The following SLC12A3 variants were observed in gnomAD, a reference collection of about 807,000 sequenced individuals.
The protein encoded by SLC12A3 is Na-Cl cotransporter.
Under a neutral mutation model 121.0 loss-of-function variants are expected in SLC12A3, and 104 were observed. That is an observed-to-expected ratio of 0.86 (90% confidence interval 0.73 to 1.01). The LOEUF (loss-of-function observed/expected upper bound fraction) is 1.01. Ranked by LOEUF, SLC12A3 falls within the 50% of genes least tolerant of loss-of-function variation. SLC12A3 has a pLI of 0.00. For synonymous variants in SLC12A3, 536 were observed against 533.4 expected (o/e 1.00, Z -0.07); for missense variants, 1,328 against 1,356.3 (o/e 0.98, Z 0.33).
At position 56,865,418 on chromosome 16, in the gene SLC12A3, C is replaced by T. The variant is rs933308354; in HGVS notation, c.183C>T (p.Ile61=). Reference sequence around the variant, plus strand: ...TGCGCACCTTTGGCTACAACACGATCGATGTGGTGCCCACATATGAGCACT... The same window carrying T: ...TGCGCACCTTTGGCTACAACACGATTGATGTGGTGCCCACATATGAGCACT... ...FCMRTFGYNT[I]DVVPTYEHYA... is the part of the protein sequence containing the mutation. The change falls in exon 1 of 26, where the codon ATC becomes ATT. Residue 61 remains isoleucine (I), a synonymous_variant. Coordinates refer to ENST00000563236, the MANE Select transcript of SLC12A3 (RefSeq NM_001126108.2). 14 of 1,614,204 alleles carry T rather than the reference C, an allele frequency of 8.7e-6. No homozygotes were observed. The highest frequency in any genetic ancestry group is 1.7e-5 in the Admixed American group (1 of 60,026).
intron 16 of SLC12A3, 52 bp downstream of exon 16, chr16:56,886,527 G>A (rs2055313974): frequency 1.3e-6 from 2 of 1,496,040 alleles, no homozygotes; most frequent in African/African-American, 1.4e-5. Flanking sequence ...GCTCATGCCT[G>A]TAAACCCAGC....
Position 56,903,468 on chromosome 16 carries a change from G to A in SLC12A3, c.2857-927G>A, listed in dbSNP as rs187377396. Reference sequence around the variant, plus strand: ...TTTGGCAACCTCTGGAGACATTTTTGTTTGTCACAACTCGGGGGTGGGGCT... The same window carrying A: ...TTTGGCAACCTCTGGAGACATTTTTATTTGTCACAACTCGGGGGTGGGGCT... On this transcript the variant is annotated intron_variant, in intron 24 of 25. Coordinates refer to ENST00000563236, the MANE Select transcript of SLC12A3 (RefSeq NM_001126108.2). Among the ~76,000 whole-genome samples the A allele has an allele frequency of 7.2e-5, 11 of 152,270 alleles. No individual in the cohort carries two copies. In the South Asian group the frequency reaches 1.2e-3, roughly 17 times the overall value.
intron 19 of SLC12A3, 42 bp downstream of exon 19, chr16:56,890,398 C>A: frequency 6.4e-7 from 1 of 1,560,784 alleles, no homozygotes; most frequent in Non-Finnish European, 8.8e-7. Context: ...TTCTAGAACA[C>A]ATTTTTTGTT....
At chr16:56,892,884 G>C in intron 20 of SLC12A3, 69 bp from the exon 21 acceptor site, 4 of 1,287,050 alleles carry the variant, frequency 3.1e-6, no homozygotes, top group Non-Finnish European at 4.5e-6. Context: ...GCGTTGGCGG[G>C]GCCCTGGGCC....
chr16:56,866,558 G>A (rs180878513), intron 1 of SLC12A3, among the ~76,000 whole-genome samples: 8 of 152,222 alleles, frequency 5.3e-5, no homozygotes, highest in African/African-American at 1.7e-4. Flanking sequence ...TAATCCTGTC[G>A]CCCATTACAA....
In SLC12A3 at chr16:56,880,256, A is replaced by G. The variant is rs746081369; in HGVS notation, c.1567+3A>G. On this transcript the variant is annotated splice_donor_region_variant and intron_variant, in intron 12 of 25. Transcript: ENST00000563236. ...CGCTGTGGCCTTCATCATCATCGGT[A>G]AGGCTCTGCCAGGGCTCACAGGGCC... The G allele has an allele frequency of 2.5e-6, 4 of 1,576,508 alleles. No individual in the cohort carries two copies. In the African/African-American group the frequency reaches 5.4e-5, roughly 21 times the overall value.
chr16:56,905,338 CAAAAAAA>C (rs59206129), intron 25 of SLC12A3, among the ~76,000 whole-genome samples: 2 of 50,750 alleles, frequency 3.9e-5, no homozygotes, highest in African/African-American at 6.8e-5. Flanking sequence ...AACTCCGTCT[CAAAAAAA>C]AAAAAAAAAA....
intron 8 of SLC12A3, among the ~76,000 whole-genome samples, chr16:56,876,822 A>G (rs1451238730): frequency 6.6e-6 from 1 of 152,176 alleles, no homozygotes; most frequent in Non-Finnish European, 1.5e-5. Context: ...CTTTGCCTTC[A>G]GGTTGGGGTC....
At chr16:56,867,294 C>A in intron 2 of SLC12A3, 78 bp downstream of exon 2, 1 of 1,445,738 alleles carries the variant, frequency 6.9e-7, no homozygotes, top group South Asian at 1.3e-5. Context: ...TCAGCTCTGA[C>A]TCTCAGGCCC....
At chr16:56,877,371 G>T (rs929007943) in intron 8 of SLC12A3, among the ~76,000 whole-genome samples, 2 of 151,812 alleles carry the variant, frequency 1.3e-5, no homozygotes, top group Non-Finnish European at 2.9e-5. Context: ...ACTCCAACCT[G>T]GGTGACAGAG....
At chr16:56,895,303 T>C (rs1339619226) in intron 22 of SLC12A3, among the ~76,000 whole-genome samples, 1 of 149,710 alleles carries the variant, frequency 6.7e-6, no homozygotes, top group Non-Finnish European at 1.5e-5. Context: ...GCAATTCTCC[T>C]GCCTCAGCCT....
At chr16:56,904,595 T>G in intron 25 of SLC12A3, 133 bp downstream of exon 25, 1 of 841,304 alleles carries the variant, frequency 1.2e-6, no homozygotes. Context: ...AAAGTTCCCA[T>G]AAACATAGCC....
chr16:56,869,913 C>T (rs1426986194), intron 4 of SLC12A3, 89 bp downstream of exon 4: 1 of 1,380,904 alleles, frequency 7.2e-7, no homozygotes, highest in Non-Finnish European at 1.0e-6. Flanking sequence ...CCCAATGGTA[C>T]ACCCAGCCGC....
chr16:56,879,749 G>A, intron 11 of SLC12A3, 100 bp downstream of exon 11: 1 of 857,472 alleles, frequency 1.2e-6, no homozygotes, highest in Non-Finnish European at 1.9e-6. Context: ...ACACCTGAAG[G>A]TGTCATTAGA....
At position 56,872,418 on chromosome 16, in the gene SLC12A3, C is replaced by G. The variant is rs1477220577; in HGVS notation, c.920C>G (p.Pro307Arg). Residue 307 changes from proline (P) to arginine (R), a missense_variant, in exon 7 of 26, where the codon CCC (proline) becomes CGC (arginine). Coordinates refer to ENST00000563236, the MANE Select transcript of SLC12A3 (RefSeq NM_001126108.2). ...AACTATTTAGTGGGGACGCTGATCC[C>G]CCCATCTGAGGACAAGGCCTCCAAA... The part of the protein sequence containing the change: ...FANYLVGTLI[P>R]PSEDKASKGF... 6.2e-7 allele frequency: 1 copy of G among 1,614,030 alleles called. No individual in the cohort carries two copies. Among genetic ancestry groups the G allele is most frequent in the African/African-American group, 1.3e-5 (1 of 74,938 alleles).
chr16:56,884,117 AT>A lies in SLC12A3; in HGVS notation c.1739del (p.Ile580ThrfsTer31). ...GTTTGGGGCTATCATCTCCGTGGTCATCATGTTCCTCCTCACCTGGTGGGCG... is the reference window on the plus strand; with the variant it reads ...GTTTGGGGCTATCATCTCCGTGGTCACATGTTCCTCCTCACCTGGTGGGCG... ...ALFGAIISVVIMFLLTWWAAL... is the reference protein window; with the variant it reads ...ALFGAIISVVXMFLLTWWAAL... On this transcript the variant is annotated frameshift_variant, in exon 14 of 26. Coordinates refer to ENST00000563236, the MANE Select transcript of SLC12A3 (RefSeq NM_001126108.2). LOFTEE classifies it high-confidence loss of function. 6.2e-7 allele frequency: 1 copy of A among 1,614,190 alleles called. No homozygotes were observed. The highest frequency in any genetic ancestry group is 8.5e-7 in the Non-Finnish European group (1 of 1,179,994).
chr16:56,890,292 C>T lies in SLC12A3; in HGVS notation c.2304C>T (p.Asn768=), dbSNP rs2055370862. 7 of 1,614,058 alleles carry T rather than the reference C, an allele frequency of 4.3e-6. No individual in the cohort carries two copies. Among genetic ancestry groups the T allele is most frequent in the Non-Finnish European group, 5.1e-6 (6 of 1,180,030 alleles). The change falls in exon 19 of 26, where the codon AAC becomes AAT. Residue 768 remains asparagine, a synonymous_variant. Coordinates refer to ENST00000563236, the MANE Select transcript of SLC12A3 (RefSeq NM_001126108.2). ...TTTCCAGTGATGCCTTTGATTTCAACTATGGCGTGTGTGTCATGAGGATGC... is the reference window on the plus strand; with the variant it reads ...TTTCCAGTGATGCCTTTGATTTCAATTATGGCGTGTGTGTCATGAGGATGC... The part of the protein sequence containing the change: ...IGILHDAFDF[N]YGVCVMRMRE...
chr16:56,886,336 C>T (rs369811661), intron 15 of SLC12A3, 28 bp from the exon 16 acceptor site: 1 of 1,558,484 alleles, frequency 6.4e-7, no homozygotes, highest in Admixed American at 1.7e-5. Flanking sequence ...CTCCTGATGG[C>T]TCCTGCCCTT....
At position 56,888,238 on chromosome 16, in the gene SLC12A3, T is replaced by C. The variant is rs78006294; in HGVS notation, c.2285+207T>C. On this transcript the variant is annotated intron_variant, in intron 18 of 25. Coordinates refer to ENST00000563236, the MANE Select transcript of SLC12A3 (RefSeq NM_001126108.2). ...AGGCTGCAGTGAGCAAAGATTGCACTGCTGCACTCCAGCCTAGGCGAAAGA... is the reference window on the plus strand; with the variant it reads ...AGGCTGCAGTGAGCAAAGATTGCACCGCTGCACTCCAGCCTAGGCGAAAGA... 5.0e-3 allele frequency among the ~76,000 whole-genome samples: 756 copies of C among 152,330 alleles called. 15 individuals carry two copies. Among genetic ancestry groups the C allele is most frequent in the African/African-American group, 0.017 (717 of 41,574 alleles).
Sources: gnomAD v4.1 joint callset for allele counts (sites outside exome capture counted in the v4.1 genomes callset) on GRCh38, gnomAD v4.1.1 for gene constraint, MANE v1.5 for transcripts, NCBI Gene and HGNC (gene_info 2026-07-23, HGNC 2026-07-21) for gene names.